The following PCDHA7 variants were observed in gnomAD, a reference collection of about 807,000 sequenced individuals.
The protein encoded by PCDHA7 is protocadherin alpha-7.
In PCDHA7, 37 loss-of-function variants were observed where a neutral mutation model predicts 57.2. The observed-to-expected ratio is 0.65, with a 90% CI of 0.50 to 0.85. The LOEUF (loss-of-function observed/expected upper bound fraction) is 0.85. Among genes scored for constraint, PCDHA7 ranks in the 40% least tolerant of loss-of-function variants. The pLI is 0.00. For synonymous variants in PCDHA7, 553 were observed against 558.8 expected (o/e 0.99, Z 0.15); for missense variants, 1,188 against 1,241.8 (o/e 0.96, Z 0.65).
chr5:140,857,146 C>G lies in PCDHA7; in HGVS notation c.2355+20408C>G, dbSNP rs1554149571. ...TGAAAGAAGATGCTCAAGTGGGCAC[C>G]GTCATTGCCCTAATCAGCGTTTCTG... On this transcript the variant is annotated intron_variant, in intron 1 of 3. Coordinates refer to ENST00000525929, the MANE Select transcript of PCDHA7 (RefSeq NM_018910.3). The G allele has an allele frequency of 1.9e-6, 3 of 1,598,132 alleles. 1 individual carries two copies. In the South Asian group the frequency reaches 3.3e-5, roughly 18 times the overall value.
intron 1 of PCDHA7, among the ~76,000 whole-genome samples, chr5:140,916,356 G>A (rs2077538770): frequency 6.6e-6 from 1 of 152,202 alleles, no homozygotes; most frequent in Admixed American, 6.5e-5. Context: ...TCAAACAGAA[G>A]GAGTCTTTCA....
At chr5:140,870,279 T>C (rs1047130885) in intron 1 of PCDHA7, 3 of 1,614,120 alleles carry the variant, frequency 1.9e-6, no homozygotes, top group Non-Finnish European at 2.5e-6. Context: ...CGCCCCACGT[T>C]CCCTTCAAGC....
At chr5:140,929,153 A>T in intron 1 of PCDHA7, 1 of 1,614,164 alleles carries the variant, frequency 6.2e-7, no homozygotes, top group African/African-American at 1.3e-5. Context: ...TCTCAGACTT[A>T]TCTCTATCGG....
At chr5:140,903,687 T>C (rs1554191081) in intron 1 of PCDHA7, among the ~76,000 whole-genome samples, 1 of 152,228 alleles carries the variant, frequency 6.6e-6, no homozygotes, top group Non-Finnish European at 1.5e-5. Context: ...GTTTGGTAAA[T>C]AGTTTAAAAT....
rs145430316 is a variant in PCDHA7 at position 140,849,629 on chromosome 5, C to T, written c.2355+12891C>T. The T allele has an allele frequency of 6.9e-4, 1,102 of 1,598,720 alleles. 110 individuals carry two copies. The highest frequency in any genetic ancestry group is 1.2e-3 in the South Asian group (106 of 90,564). On this transcript the variant is annotated intron_variant, in intron 1 of 3. Transcript: ENST00000525929. ...CCCTGATTAGTGTGATCGACCTAGA[C>T]GCAGATGCCAACGGGCAGGTTACCT...
intron 1 of PCDHA7, among the ~76,000 whole-genome samples, chr5:140,839,040 T>C (rs1469530871): frequency 6.6e-6 from 1 of 152,080 alleles, no homozygotes; most frequent in Non-Finnish European, 1.5e-5. Flanking sequence ...TGTTTTCTTT[T>C]CAACGTGAAT....
At chr5:140,869,694 G>T (rs782372405) in intron 1 of PCDHA7, 8 of 1,613,394 alleles carry the variant, frequency 5.0e-6, no homozygotes, top group Non-Finnish European at 6.8e-6. Context: ...TTATTTTAAA[G>T]AAGTCTCTGG....
chr5:140,928,474 C>T, intron 1 of PCDHA7: 1 of 1,614,090 alleles, frequency 6.2e-7, no homozygotes, highest in Non-Finnish European at 8.5e-7. Flanking sequence ...AGTAGAAGGC[C>T]GGGATGGTGG....
intron 1 of PCDHA7, among the ~76,000 whole-genome samples, chr5:140,945,046 A>G (rs2093731107): frequency 2.0e-5 from 3 of 152,190 alleles, no homozygotes; most frequent in Non-Finnish European, 2.9e-5. Flanking sequence ...TTGGTCTTAT[A>G]TAAAGAAAAC....
intron 1 of PCDHA7, among the ~76,000 whole-genome samples, chr5:140,906,601 A>G (rs1337843589): frequency 6.6e-6 from 1 of 152,156 alleles, no homozygotes; most frequent in Non-Finnish European, 1.5e-5. Flanking sequence ...TCTACTACTC[A>G]TTCTGTATTC....
chr5:140,985,163 T>G (rs1045171380), intron 3 of PCDHA7, among the ~76,000 whole-genome samples: 7 of 152,096 alleles, frequency 4.6e-5, no homozygotes, highest in South Asian at 2.1e-4. Flanking sequence ...TGTCTCAATC[T>G]CCTGACCTCG....
intron 1 of PCDHA7, among the ~76,000 whole-genome samples, chr5:140,975,996 C>G (rs923472287): frequency 4.6e-5 from 7 of 152,064 alleles, no homozygotes; most frequent in African/African-American, 1.7e-4. Flanking sequence ...GAGGTACCAT[C>G]TAAGTATTAA....
intron 1 of PCDHA7, chr5:140,850,132 G>T (rs2150469208): frequency 6.3e-7 from 1 of 1,595,756 alleles, no homozygotes; most frequent in Non-Finnish European, 8.6e-7. Flanking sequence ...CCGCCTCTGG[G>T]CAGCAACGTG....
chr5:140,913,463 G>C (rs1230048611), intron 1 of PCDHA7, among the ~76,000 whole-genome samples: 4 of 151,500 alleles, frequency 2.6e-5, no homozygotes, highest in African/African-American at 2.4e-5. Flanking sequence ...TATTTACTTG[G>C]GTCTTCTCTC....
intron 1 of PCDHA7, among the ~76,000 whole-genome samples, chr5:140,880,555 T>C (rs1250449659): frequency 1.3e-5 from 2 of 152,134 alleles, no homozygotes; most frequent in Admixed American, 6.6e-5. Context: ...CTGATGGAAA[T>C]GAGGTTGAGA....
At chr5:140,850,883 T>G in intron 1 of PCDHA7, 1 of 1,582,476 alleles carries the variant, frequency 6.3e-7, no homozygotes, top group Non-Finnish European at 8.6e-7. Context: ...CAGATTCAAC[T>G]GGGAAGGTGG....
intron 1 of PCDHA7, among the ~76,000 whole-genome samples, chr5:140,915,075 A>G (rs111889109): frequency 6.6e-6 from 1 of 151,436 alleles, no homozygotes; most frequent in South Asian, 2.1e-4. Context: ...CCTACTGAGT[A>G]GCTGGGACTA....
chr5:140,893,922 G>C (rs1179113151), intron 1 of PCDHA7, among the ~76,000 whole-genome samples: 4 of 152,156 alleles, frequency 2.6e-5, no homozygotes. Context: ...GTCTTTTTCA[G>C]AATCTCTACC....
At chr5:140,934,738 C>T (rs1342430086) in intron 1 of PCDHA7, among the ~76,000 whole-genome samples, 1 of 152,078 alleles carries the variant, frequency 6.6e-6, no homozygotes, top group Admixed American at 6.5e-5. Flanking sequence ...TTTTAGGTGT[C>T]ATTATGAACT....
Sources: allele counts gnomAD v4.1 joint callset (sites outside exome capture counted in the v4.1 genomes callset), GRCh38; gene constraint gnomAD v4.1.1; transcripts MANE v1.5; gene names NCBI Gene and HGNC (gene_info 2026-07-23, HGNC 2026-07-21).